The following CADPS2 variants were observed in gnomAD, a reference collection of about 807,000 sequenced individuals.
CADPS2 encodes calcium-dependent secretion activator 2.
In CADPS2, 93 loss-of-function variants were observed where a neutral mutation model predicts 172.5. That is an observed-to-expected ratio of 0.54 (90% CI 0.46 to 0.64). The LOEUF (loss-of-function observed/expected upper bound fraction) is 0.64. Ranked by LOEUF, CADPS2 falls within the 30% of genes least tolerant of loss-of-function variation. The pLI is 0.00. For missense variants in CADPS2, 1,420 were observed against 1,565.9 expected (o/e 0.91, Z 1.57); for synonymous variants, 546 against 555.2 (o/e 0.98, Z 0.23).
At chr7:122,728,646 A>G (rs1588812069) in intron 2 of CADPS2, among the ~76,000 whole-genome samples, 1 of 151,828 alleles carries the variant, frequency 6.6e-6, no homozygotes, top group East Asian at 1.9e-4. Flanking sequence ...GATAAAGGAA[A>G]GAGAAGTACA....
chr7:122,404,210 T>C (rs995962548), intron 20 of CADPS2, among the ~76,000 whole-genome samples: 8 of 152,120 alleles, frequency 5.3e-5, no homozygotes, highest in Non-Finnish European at 8.8e-5. Context: ...TTCTCATTGT[T>C]CAATTCCCAC....
chr7:122,415,212 G>C (rs1016587876), intron 18 of CADPS2, among the ~76,000 whole-genome samples: 1 of 152,184 alleles, frequency 6.6e-6, no homozygotes, highest in Non-Finnish European at 1.5e-5. Context: ...CGAAAGCCTA[G>C]AGTTATCAAC....
intron 19 of CADPS2, among the ~76,000 whole-genome samples, chr7:122,408,145 A>G (rs1214605047): frequency 6.6e-6 from 1 of 151,854 alleles, no homozygotes; most frequent in Non-Finnish European, 1.5e-5. Context: ...CTTTTAATAT[A>G]ATAGCATAAT....
intron 1 of CADPS2, among the ~76,000 whole-genome samples, chr7:122,844,104 G>C (rs957984730): frequency 1.3e-5 from 2 of 152,212 alleles, no homozygotes; most frequent in African/African-American, 2.4e-5. Context: ...GTAGCCTTCT[G>C]CTTCCAGAAG....
intron 2 of CADPS2, among the ~76,000 whole-genome samples, chr7:122,708,442 G>GTA (rs1225951854): frequency 2.3e-4 from 26 of 110,924 alleles, no homozygotes; most frequent in African/African-American, 6.3e-4. Context: ...ATATGTGTGT[G>GTA]TATATATATA....
intron 2 of CADPS2, among the ~76,000 whole-genome samples, chr7:122,693,850 G>A (rs2084720057): frequency 2.0e-5 from 3 of 152,140 alleles, no homozygotes; most frequent in African/African-American, 7.2e-5. Flanking sequence ...CCTGTAATCA[G>A]CTACTTGGGA....
chr7:122,392,598 G>A (rs1192684981), intron 22 of CADPS2, among the ~76,000 whole-genome samples: 1 of 152,068 alleles, frequency 6.6e-6, no homozygotes, highest in Non-Finnish European at 1.5e-5. Context: ...ATGATGTGAA[G>A]TTAATAAATA....
At chr7:122,659,329 C>T (rs1211246350) in intron 3 of CADPS2, among the ~76,000 whole-genome samples, 1 of 80,672 alleles carries the variant, frequency 1.2e-5, no homozygotes, top group Non-Finnish European at 2.7e-5. Flanking sequence ...AAAAAAAACA[C>T]CGTGGAAAAA....
intron 2 of CADPS2, among the ~76,000 whole-genome samples, chr7:122,670,949 A>G (rs2081774470): frequency 6.6e-6 from 1 of 151,032 alleles, no homozygotes; most frequent in African/African-American, 2.4e-5. Context: ...TCCGTGCTCC[A>G]GTCCCACAGG....
At chr7:122,607,644 A>G (rs942876121) in intron 6 of CADPS2, among the ~76,000 whole-genome samples, 22 of 152,138 alleles carry the variant, frequency 1.4e-4, no homozygotes, top group African/African-American at 4.8e-4. Context: ...TAAATCCATC[A>G]TATTTTCTTA....
chr7:122,615,948 T>C (rs1587855027), intron 5 of CADPS2, among the ~76,000 whole-genome samples: 1 of 152,030 alleles, frequency 6.6e-6, no homozygotes, highest in East Asian at 1.9e-4. Context: ...TTCAGTACAC[T>C]GGAAAAGGGT....
intron 14 of CADPS2, among the ~76,000 whole-genome samples, chr7:122,466,016 G>A (rs1305626029): frequency 6.6e-6 from 1 of 152,120 alleles, no homozygotes; most frequent in Non-Finnish European, 1.5e-5. Context: ...AACTTACTGT[G>A]TTAAAAATGA....
intron 2 of CADPS2, among the ~76,000 whole-genome samples, chr7:122,728,962 A>T (rs949626614): frequency 1.3e-5 from 2 of 151,818 alleles, no homozygotes; most frequent in Non-Finnish European, 2.9e-5. Context: ...GCTATCAAAC[A>T]TTAGAACTTT....
At chr7:122,740,830 AAACC>A (rs1329184453) in intron 1 of CADPS2, among the ~76,000 whole-genome samples, 1 of 152,176 alleles carries the variant, frequency 6.6e-6, no homozygotes, top group East Asian at 1.9e-4. Flanking sequence ...CATCATAAAT[AAACC>A]AACAGAAAAA....
intron 20 of CADPS2, among the ~76,000 whole-genome samples, chr7:122,396,198 C>A (rs990050822): frequency 7.2e-5 from 11 of 152,076 alleles, no homozygotes; most frequent in Non-Finnish European, 1.5e-4. Context: ...ATTAGTAGAA[C>A]CAGGATTTGA....
intron 1 of CADPS2, among the ~76,000 whole-genome samples, chr7:122,750,626 T>C (rs2092912617): frequency 1.3e-5 from 2 of 152,126 alleles, no homozygotes; most frequent in Non-Finnish European, 2.9e-5. Context: ...TGACATCCTG[T>C]GCAATACTAA....
intron 28 of CADPS2, among the ~76,000 whole-genome samples, chr7:122,329,964 TTAAG>T (rs2034631251): frequency 6.6e-6 from 1 of 152,232 alleles, no homozygotes; most frequent in South Asian, 2.1e-4. Context: ...TATTTTCTAC[TTAAG>T]TGTTTAGCTT....
intron 28 of CADPS2, among the ~76,000 whole-genome samples, chr7:122,343,491 C>G (rs1317252810): frequency 1.3e-5 from 2 of 152,172 alleles, no homozygotes; most frequent in Admixed American, 6.5e-5. Flanking sequence ...TTCCAAAGAA[C>G]TTCAGTGAAT....
chr7:122,532,185 A>C (rs1384158954), intron 8 of CADPS2, among the ~76,000 whole-genome samples: 3 of 152,186 alleles, frequency 2.0e-5, no homozygotes, highest in African/African-American at 7.2e-5. Context: ...CAAATGATTT[A>C]TCTCAAATTG....
Sources: gnomAD v4.1 joint callset for allele counts (sites outside exome capture counted in the v4.1 genomes callset) on GRCh38, gnomAD v4.1.1 for gene constraint, MANE v1.5 for transcripts, NCBI Gene and HGNC (gene_info 2026-07-23, HGNC 2026-07-21) for gene names.